The following SLC39A11 variants were observed in gnomAD, a reference collection of about 807,000 sequenced individuals.
SLC39A11 encodes zinc transporter ZIP11.
A neutral mutation model predicts 36.1 loss-of-function variants in SLC39A11; 33 were observed. That is an observed-to-expected ratio of 0.91 (90% CI 0.69 to 1.22). The LOEUF (loss-of-function observed/expected upper bound fraction) is 1.22. SLC39A11 is among the 50% of genes most tolerant of loss of function. The pLI is 0.00. For missense variants in SLC39A11, 432 were observed against 430.3 expected (o/e 1.00, Z -0.03); for synonymous variants, 166 against 170.3 (o/e 0.97, Z 0.20).
At chr17:72,657,373 A>G (rs1428180883) in intron 7 of SLC39A11, among the ~76,000 whole-genome samples, 3 of 152,312 alleles carry the variant, frequency 2.0e-5, no homozygotes, top group East Asian at 3.9e-4. Flanking sequence ...ACAAACAAAC[A>G]AACAAACAAA....
chr17:72,724,065 G>A (rs1202793192), intron 7 of SLC39A11, among the ~76,000 whole-genome samples: 4 of 152,084 alleles, frequency 2.6e-5, no homozygotes, highest in Admixed American at 1.3e-4. Flanking sequence ...GTGCTAACAC[G>A]GGAACACACA....
chr17:72,711,359 G>A (rs114402137), intron 7 of SLC39A11, among the ~76,000 whole-genome samples: 2 of 152,312 alleles, frequency 1.3e-5, no homozygotes, highest in African/African-American at 2.4e-5. Flanking sequence ...AAGGGGGGAA[G>A]TGTATTTCTT....
intron 6 of SLC39A11, among the ~76,000 whole-genome samples, chr17:72,840,344 TA>T (rs1209392366): frequency 6.6e-6 from 1 of 152,246 alleles, no homozygotes; most frequent in Non-Finnish European, 1.5e-5. Context: ...GGAATTCACC[TA>T]CCCTCTTCTC....
At chr17:72,901,856 C>T (rs1269109382) in intron 5 of SLC39A11, among the ~76,000 whole-genome samples, 1 of 152,040 alleles carries the variant, frequency 6.6e-6, no homozygotes, top group African/African-American at 2.4e-5. Context: ...TGCATGGGGC[C>T]CTGAGATAAA....
At chr17:72,912,058 T>A (rs67286914) in intron 5 of SLC39A11, among the ~76,000 whole-genome samples, 1 of 151,960 alleles carries the variant, frequency 6.6e-6, no homozygotes, top group South Asian at 2.1e-4. Flanking sequence ...TGGGCATTGG[T>A]GCTGCAGGCA....
intron 5 of SLC39A11, among the ~76,000 whole-genome samples, chr17:72,946,282 T>G (rs942084600): frequency 6.6e-6 from 1 of 152,226 alleles, no homozygotes; most frequent in African/African-American, 2.4e-5. Flanking sequence ...AAGCTCACAT[T>G]GGATGAAATT....
intron 5 of SLC39A11, among the ~76,000 whole-genome samples, chr17:72,939,015 T>C (rs1402002415): frequency 1.3e-5 from 2 of 152,194 alleles, no homozygotes; most frequent in East Asian, 1.9e-4. Context: ...ATTTTATCCA[T>C]CTTCCTCCTT....
intron 6 of SLC39A11, among the ~76,000 whole-genome samples, chr17:72,784,227 C>T (rs2076421330): frequency 6.6e-6 from 1 of 152,116 alleles, no homozygotes; most frequent in South Asian, 2.1e-4. Flanking sequence ...TGCCTGTAAT[C>T]CCAGTTACTC....
At chr17:72,801,717 A>G (rs749202523) in intron 6 of SLC39A11, among the ~76,000 whole-genome samples, 1 of 152,200 alleles carries the variant, frequency 6.6e-6, no homozygotes, top group African/African-American at 2.4e-5. Context: ...TTTACTATGT[A>G]TATCTATGAG....
intron 6 of SLC39A11, among the ~76,000 whole-genome samples, chr17:72,790,476 G>C (rs961022836): frequency 6.6e-5 from 10 of 151,930 alleles, no homozygotes; most frequent in African/African-American, 2.2e-4. Flanking sequence ...CTTCTCCAAG[G>C]AATGAGAAGA....
At chr17:73,066,602 T>C (rs2060003206) in intron 3 of SLC39A11, among the ~76,000 whole-genome samples, 1 of 152,180 alleles carries the variant, frequency 6.6e-6, no homozygotes, top group African/African-American at 2.4e-5. Context: ...GGCTTGGCCA[T>C]TAATACACTA....
At chr17:72,861,664 T>TAAA (rs1204479170) in intron 5 of SLC39A11, among the ~76,000 whole-genome samples, 10 of 101,080 alleles carry the variant, frequency 9.9e-5, no homozygotes, top group Non-Finnish European at 1.4e-4. Flanking sequence ...ACATTATATA[T>TAAA]ATATATATAT....
At chr17:72,953,191 A>G (rs975337836) in intron 4 of SLC39A11, among the ~76,000 whole-genome samples, 4 of 151,964 alleles carry the variant, frequency 2.6e-5, no homozygotes, top group African/African-American at 9.7e-5. Flanking sequence ...CTTAGAATGG[A>G]ATTATTATCA....
chr17:72,954,342 G>A (rs973214631), intron 4 of SLC39A11, among the ~76,000 whole-genome samples: 1 of 152,246 alleles, frequency 6.6e-6, no homozygotes, highest in African/African-American at 2.4e-5. Flanking sequence ...GCTCCCTGAG[G>A]AAAGGCCAAG....
chr17:72,692,248 C>A (rs7503857), intron 7 of SLC39A11, among the ~76,000 whole-genome samples: 1 of 152,118 alleles, frequency 6.6e-6, no homozygotes, highest in Non-Finnish European at 1.5e-5. Flanking sequence ...CCTGACCTTG[C>A]GAACCACCCG....
chr17:72,746,295 A>C (rs2074932918), intron 6 of SLC39A11, among the ~76,000 whole-genome samples: 1 of 152,152 alleles, frequency 6.6e-6, no homozygotes, highest in South Asian at 2.1e-4. Flanking sequence ...CTCAGGTCCC[A>C]AAAGGCACTC....
chr17:72,699,038 C>T (rs534667738), intron 7 of SLC39A11, among the ~76,000 whole-genome samples: 4 of 152,184 alleles, frequency 2.6e-5, no homozygotes, highest in East Asian at 3.9e-4. Flanking sequence ...ACCATGTTAG[C>T]CAGGATGGTC....
intron 6 of SLC39A11, among the ~76,000 whole-genome samples, chr17:72,758,011 C>A (rs986190273): frequency 6.6e-6 from 1 of 152,000 alleles, no homozygotes; most frequent in African/African-American, 2.4e-5. Context: ...TCAGCCTCCC[C>A]GGTAGCTGGT....
At chr17:72,960,506 C>T (rs979565953) in intron 4 of SLC39A11, among the ~76,000 whole-genome samples, 1 of 152,078 alleles carries the variant, frequency 6.6e-6, no homozygotes, top group African/African-American at 2.4e-5. Flanking sequence ...AAACCCAGCC[C>T]TCAGGCTGGA....
Sources: allele counts gnomAD v4.1 joint callset (sites outside exome capture counted in the v4.1 genomes callset), GRCh38; gene constraint gnomAD v4.1.1; transcripts MANE v1.5; gene names NCBI Gene and HGNC (gene_info 2026-07-23, HGNC 2026-07-21).